KIRREL3: variants seen among roughly 807,000 people sequenced by gnomAD.
KIRREL3 encodes the protein kin of IRRE-like protein 3.
In KIRREL3, 36 loss-of-function variants were observed where a neutral mutation model predicts 89.7. That is an observed-to-expected ratio of 0.40 (90% CI 0.31 to 0.53). The LOEUF (loss-of-function observed/expected upper bound fraction) is 0.53, where lower values mean the gene tolerates loss of function less well. Ranked by LOEUF, KIRREL3 falls within the 20% of genes least tolerant of loss-of-function variation. The pLI, the probability that KIRREL3 is intolerant of heterozygous loss-of-function variation, is 0.49. For missense variants in KIRREL3, 864 were observed against 1,056.6 expected, an observed-to-expected ratio of 0.82 and a Z score of 2.53; for synonymous variants, 445 against 441.4, an observed-to-expected ratio of 1.01 and a Z score of -0.10.
At position 126,522,182 on chromosome 11, in the gene KIRREL3, C is replaced by G. The variant is rs1372643462; in HGVS notation, c.284-718G>C. On this transcript the variant is annotated intron_variant, in intron 3 of 16. Transcript: ENST00000525144. The surrounding 1 kb of genome is among the most constrained non-coding windows in gnomAD (Gnocchi z 6.0). ...ATTCTGGAAAGTGGTGTGCTCAGCACTGTGGTCTACCAAGCAGACATGCAT... is the reference window on the plus strand; with the variant it reads ...ATTCTGGAAAGTGGTGTGCTCAGCAGTGTGGTCTACCAAGCAGACATGCAT... Among the ~76,000 whole-genome samples the G allele has an allele frequency of 6.6e-6, 1 of 152,104 alleles. No individual in the cohort carries two copies. Among genetic ancestry groups the G allele is most frequent in the Non-Finnish European group, 1.5e-5 (1 of 68,030 alleles).
rs1176484356 is a variant in KIRREL3, at chr11:126,631,122, TG to T, written c.56-68211del. 3.6e-4 allele frequency among the ~76,000 whole-genome samples: 22 copies of T among 61,718 alleles called. No individual in the cohort carries two copies. The South Asian group carries it at 9.9e-3, about 28-fold the overall frequency. The allele number at this position is 61,718 out of a possible 152,430, so 40.5% of individuals were successfully genotyped here. The stretch of plus-strand genomic sequence containing the variant: ...TGTCTGTGCAATCAGTCTGTATGTA[TG>T]TATTCATTCATTCATTCATTCATTC... On this transcript the variant is annotated intron_variant, in intron 1 of 16. Coordinates refer to ENST00000525144, the MANE Select transcript of KIRREL3 (RefSeq NM_032531.4).
In KIRREL3 at chr11:126,955,925, T is replaced by C. The variant is rs140863498; in HGVS notation, c.55+44530A>G. ...TATTTTTAATATTACCCTGGAAACA[T>C]GAATTGAATTACACAACAAAATGCA... On this transcript the variant is annotated intron_variant, in intron 1 of 16. Transcript: ENST00000525144. This position sits in a 1 kb window ranked among gnomAD's most constrained non-coding sequence, Gnocchi z 4.6. 2.0e-4 allele frequency among the ~76,000 whole-genome samples: 31 copies of C among 152,250 alleles called. No individual in the cohort carries two copies. In the East Asian group the frequency reaches 5.2e-3, roughly 26 times the overall value.
chr11:126,692,572 A>AG (rs1555176686), intron 1 of KIRREL3, among the ~76,000 whole-genome samples: 1 of 147,932 alleles, frequency 6.8e-6, no homozygotes, highest in Non-Finnish European at 1.5e-5. Context: ...AAAAAAAAAA[A>AG]GGAGGTGGAA....
chr11:126,559,630 A>T (rs1488894098), intron 2 of KIRREL3, among the ~76,000 whole-genome samples: 1 of 151,266 alleles, frequency 6.6e-6, no homozygotes, highest in Non-Finnish European at 1.5e-5. Flanking sequence ...ACTGAGATGT[A>T]TTTTTACTGT....
Position 126,948,944 on chromosome 11 carries a change from A to G in KIRREL3, c.55+51511T>C, listed in dbSNP as rs1948698481. 6.6e-6 allele frequency among the ~76,000 whole-genome samples: 1 copy of G among 152,214 alleles called. No homozygotes were observed. Among genetic ancestry groups the G allele is most frequent in the South Asian group, 2.1e-4 (1 of 4,828 alleles). ...GCTGGGCTAGGAGAAGAATGCCTGA[A>G]AGAAAACATGCACTGCTCCAGGAAA... On this transcript the variant is annotated intron_variant, in intron 1 of 16. Transcript: ENST00000525144. This position sits in a 1 kb window ranked among gnomAD's most constrained non-coding sequence, Gnocchi z 4.5.
At chr11:126,445,664 T>G (rs1388873643) in intron 9 of KIRREL3, among the ~76,000 whole-genome samples, 1 of 152,176 alleles carries the variant, frequency 6.6e-6, no homozygotes, top group East Asian at 1.9e-4. Context: ...GTCAGTTACT[T>G]ATCTTCTCAG....
At position 126,664,280 on chromosome 11, in the gene KIRREL3, A is replaced by G. The variant is rs992925035; in HGVS notation, c.56-101368T>C. ...TCATTATGATCATCAACCCAGCACC[A>G]ATTATGTAGAGCAGGCAAAGTACAA... On this transcript the variant is annotated intron_variant, in intron 1 of 16. Transcript: ENST00000525144. This position sits in a 1 kb window ranked among gnomAD's most constrained non-coding sequence, Gnocchi z 5.4. 4.0e-5 allele frequency among the ~76,000 whole-genome samples: 6 copies of G among 151,694 alleles called. No homozygotes were observed. Among genetic ancestry groups the G allele is most frequent in the African/African-American group, 9.7e-5 (4 of 41,232 alleles).
At chr11:126,850,978 G>C (rs952672606) in intron 1 of KIRREL3, among the ~76,000 whole-genome samples, 4 of 152,220 alleles carry the variant, frequency 2.6e-5, no homozygotes, top group Non-Finnish European at 5.9e-5. Context: ...TCAAGTAAGA[G>C]GCAGAGCAGC....
Position 126,755,823 on chromosome 11 carries a change from CAGAGAGAGAGAGAGAGAGAGAG to C in KIRREL3, c.56-192933_56-192912del, listed in dbSNP as rs10616492. ...GCGTGCTCGCCATCTGCCATTCAGG[CAGAGAGAGAGAGAGAGAGAGAG>C]AGAGAGAGAGGGAGAGAGGGAGAGA... is the stretch of plus-strand genomic sequence containing the variant. On this transcript the variant is annotated intron_variant, in intron 1 of 16. Coordinates refer to ENST00000525144, the MANE Select transcript of KIRREL3 (RefSeq NM_032531.4). The surrounding 1 kb of genome is among the most constrained non-coding windows in gnomAD (Gnocchi z 4.3). Among the ~76,000 whole-genome samples, 1 of 147,918 alleles carries C rather than the reference CAGAGAGAGAGAGAGAGAGAGAG, an allele frequency of 6.8e-6. No homozygotes were observed. Among genetic ancestry groups the C allele is most frequent in the Non-Finnish European group, 1.5e-5 (1 of 67,210 alleles).
In KIRREL3 at chr11:126,579,753, C is replaced by T. The variant is rs1941442937; in HGVS notation, c.56-16841G>A. 6.6e-6 allele frequency among the ~76,000 whole-genome samples: 1 copy of T among 152,124 alleles called. No individual in the cohort carries two copies. Among genetic ancestry groups the T allele is most frequent in the South Asian group, 2.1e-4 (1 of 4,824 alleles). On this transcript the variant is annotated intron_variant, in intron 1 of 16. Transcript: ENST00000525144. This position sits in a 1 kb window ranked among gnomAD's most constrained non-coding sequence, Gnocchi z 5.3. ...AATGTGCCCAACCACCCTCTCTGCTCTCATGACCCCCTGCCTCTCTCCACC... is the reference window on the plus strand; with the variant it reads ...AATGTGCCCAACCACCCTCTCTGCTTTCATGACCCCCTGCCTCTCTCCACC...
At chr11:126,902,417 C>G (rs1168863871) in intron 1 of KIRREL3, among the ~76,000 whole-genome samples, 2 of 152,112 alleles carry the variant, frequency 1.3e-5, no homozygotes, top group African/African-American at 4.8e-5. Flanking sequence ...ATGCACACAC[C>G]TATATGCACA....
chr11:126,688,867 C>T (rs894097396), intron 1 of KIRREL3, among the ~76,000 whole-genome samples: 1 of 152,046 alleles, frequency 6.6e-6, no homozygotes, highest in African/African-American at 2.4e-5. Context: ...TAACAATGAA[C>T]ACTCAGAGCT....
rs948127456 is a variant in KIRREL3 at position 126,627,771 on chromosome 11, A to C, written c.56-64859T>G. 2.0e-5 allele frequency among the ~76,000 whole-genome samples: 3 copies of C among 152,188 alleles called. No homozygotes were observed. The highest frequency in any genetic ancestry group is 2.1e-4 in the South Asian group (1 of 4,830). On this transcript the variant is annotated intron_variant, in intron 1 of 16. Transcript: ENST00000525144. This position sits in a 1 kb window ranked among gnomAD's most constrained non-coding sequence, Gnocchi z 5.0. ...CTTTATGGGGGGTGTTGGCAGGATT[A>C]GAGGGATGTCAGATGCTCAGAGAGA...
Position 126,872,394 on chromosome 11 carries a change from G to T in KIRREL3, c.55+128061C>A, listed in dbSNP as rs149478303. ...ATGCTGCTATTCTGGGCATGGGCAC[G>T]GGGCTTATGGGGTAGCCCTGCTCAG... is the stretch of plus-strand genomic sequence containing the variant. On this transcript the variant is annotated intron_variant, in intron 1 of 16. Coordinates refer to ENST00000525144, the MANE Select transcript of KIRREL3 (RefSeq NM_032531.4). This position sits in a 1 kb window ranked among gnomAD's most constrained non-coding sequence, Gnocchi z 4.2. 5.3e-5 allele frequency among the ~76,000 whole-genome samples: 8 copies of T among 152,206 alleles called. No individual in the cohort carries two copies. Among genetic ancestry groups the T allele is most frequent in the African/African-American group, 1.9e-4 (8 of 41,464 alleles).
At chr11:126,505,069 T>C (rs1591646392) in intron 4 of KIRREL3, among the ~76,000 whole-genome samples, 1 of 152,208 alleles carries the variant, frequency 6.6e-6, no homozygotes, top group African/African-American at 2.4e-5. Flanking sequence ...TAGTGAAAGA[T>C]TGGATGCTTT....
intron 3 of KIRREL3, among the ~76,000 whole-genome samples, chr11:126,524,690 G>A (rs1019044635): frequency 4.6e-5 from 7 of 151,996 alleles, no homozygotes; most frequent in African/African-American, 1.2e-4. Flanking sequence ...TGGGAGATTC[G>A]GGGGGGCCAC....
chr11:126,582,291 G>A (rs1302971945), intron 1 of KIRREL3, among the ~76,000 whole-genome samples: 1 of 152,218 alleles, frequency 6.6e-6, no homozygotes, highest in Non-Finnish European at 1.5e-5. Flanking sequence ...TGCATTGCAA[G>A]GATGCACTGC....
At position 126,446,689 on chromosome 11, in the gene KIRREL3, G is replaced by A. The variant is rs1018788756; in HGVS notation, c.1125+70C>T. On this transcript the variant is annotated intron_variant, in intron 9 of 16. Coordinates refer to ENST00000525144, the MANE Select transcript of KIRREL3 (RefSeq NM_032531.4). ...TCTAATAGTGAGAGGGGCCTGGGCAGCAGTTCCTTCTTGCTCCACTGTCCC... is the reference window on the plus strand; with the variant it reads ...TCTAATAGTGAGAGGGGCCTGGGCAACAGTTCCTTCTTGCTCCACTGTCCC... 4.6e-5 allele frequency: 68 copies of A among 1,483,870 alleles called. No homozygotes were observed. In the African/African-American group the frequency reaches 8.7e-4, roughly 19 times the overall value. The allele number at this position is 1,483,870 out of a possible 1,614,324, so 91.9% of individuals were successfully genotyped here. A position where few individuals can be genotyped will look rare whatever the true frequency, so the allele number is the denominator to read the frequency against.
At chr11:126,804,160 C>G (rs1951130449) in intron 1 of KIRREL3, among the ~76,000 whole-genome samples, 1 of 152,140 alleles carries the variant, frequency 6.6e-6, no homozygotes, top group African/African-American at 2.4e-5. Context: ...CAATGGCCAG[C>G]AACACGCTAG....
Sources: gnomAD v4.1 joint callset for allele counts (sites outside exome capture counted in the v4.1 genomes callset) on GRCh38, gnomAD v4.1.1 for gene constraint, Gnocchi (gnomAD v3.1) non-coding constraint, MANE v1.5 for transcripts, NCBI Gene and HGNC (gene_info 2026-07-23, HGNC 2026-07-21) for gene names.